The following KIAA0586 variants were observed in gnomAD, a reference collection of about 807,000 sequenced individuals.
KIAA0586 encodes KIAA0586, also known as protein TALPID3.
KIAA0586 carries 144 observed loss-of-function variants against 169.8 expected under a neutral mutation model. That is an observed-to-expected ratio of 0.85 (90% confidence interval 0.74 to 0.97). The LOEUF (loss-of-function observed/expected upper bound fraction) is 0.97, where lower values mean the gene tolerates loss of function less well. Among genes scored for constraint, KIAA0586 ranks in the 50% least tolerant of loss-of-function variants. The pLI is 0.00. For missense variants in KIAA0586, 1,854 were observed against 1,823.0 expected (o/e 1.02, Z -0.31); for synonymous variants, 625 against 612.4 (o/e 1.02, Z -0.30).
intron 30 of KIAA0586, among the ~76,000 whole-genome samples, chr14:58,546,007 C>T (rs1643607436): frequency 6.6e-6 from 1 of 152,062 alleles, no homozygotes; most frequent in Non-Finnish European, 1.5e-5. Flanking sequence ...GCACTCCAGC[C>T]TAGGTGACAG....
downstream of KIAA0586, among the ~76,000 whole-genome samples, chr14:58,553,987 A>G (rs1481300716): frequency 6.6e-6 from 1 of 152,154 alleles, no homozygotes; most frequent in Non-Finnish European, 1.5e-5. Context: ...CACTCAATTG[A>G]TAGTTGATGG....
At chr14:58,509,323 TTTACATA>T (rs2044221340) in intron 28 of KIAA0586, among the ~76,000 whole-genome samples, 1 of 152,184 alleles carries the variant, frequency 6.6e-6, no homozygotes, top group Non-Finnish European at 1.5e-5. Context: ...AGCTCAGTAA[TTTACATA>T]TAGTAGGTGC....
intron 28 of KIAA0586, among the ~76,000 whole-genome samples, chr14:58,509,744 A>G (rs1749006): frequency 1 from 151,853 of 152,312 alleles, 75,700 homozygotes; most frequent in Middle Eastern, 1. Flanking sequence ...AATAACTTCG[A>G]TATAAAAAAA....
At chr14:58,450,325 T>A (rs2039260028) in intron 7 of KIAA0586, among the ~76,000 whole-genome samples, 2 of 152,230 alleles carry the variant, frequency 1.3e-5, no homozygotes, top group Admixed American at 1.3e-4. Flanking sequence ...TATCTGGGCC[T>A]GCCAGTTTCA....
intron 18 of KIAA0586, among the ~76,000 whole-genome samples, chr14:58,472,975 A>G (rs2041341914): frequency 6.9e-6 from 1 of 144,356 alleles, no homozygotes; most frequent in Admixed American, 7.4e-5. Flanking sequence ...GCCACATGAG[A>G]ATTTTGAAGA....
chr14:58,559,319 T>C, the KIAA0586 span, among the ~76,000 whole-genome samples: 1 of 152,236 alleles, frequency 6.6e-6, no homozygotes, highest in African/African-American at 2.4e-5. Flanking sequence ...CTCTGGATAC[T>C]TGTTCTGACC....
At chr14:58,556,528 T>C in the KIAA0586 span, among the ~76,000 whole-genome samples, 6 of 152,324 alleles carry the variant, frequency 3.9e-5, no homozygotes, top group Admixed American at 3.3e-4. Context: ...CAACACTTCC[T>C]AGCAACCCAG....
chr14:58,438,292 A>G (rs1380484275), intron 4 of KIAA0586, among the ~76,000 whole-genome samples: 2 of 152,220 alleles, frequency 1.3e-5, no homozygotes, highest in Non-Finnish European at 2.9e-5. Context: ...ATAAAATTTA[A>G]AAGCCTATAA....
chr14:58,508,489 C>T, intron 27 of KIAA0586, 66 bp from the exon 28 acceptor site: 1 of 1,283,524 alleles, frequency 7.8e-7, no homozygotes. Context: ...TAGTCAACTA[C>T]TTGTTCATTT....
chr14:58,474,103 A>G (rs966335462), intron 18 of KIAA0586, among the ~76,000 whole-genome samples: 2 of 152,000 alleles, frequency 1.3e-5, no homozygotes, highest in African/African-American at 2.4e-5. Flanking sequence ...CCTTTAAACA[A>G]TCAGCTCTCA....
chr14:58,474,506 A>G, intron 18 of KIAA0586, 101 bp from the exon 19 acceptor site: 1 of 713,642 alleles, frequency 1.4e-6, no homozygotes, highest in East Asian at 3.0e-5. Flanking sequence ...TGGTTAATTT[A>G]GAAGGGTTTC....
At chr14:58,488,491 A>G (rs2042622239) in intron 23 of KIAA0586, 130 bp from the exon 24 acceptor site, 1 of 998,092 alleles carries the variant, frequency 1.0e-6, no homozygotes, top group African/African-American at 1.6e-5. Context: ...AATCTTGTTA[A>G]TTATAGTAGT....
At chr14:58,467,615 T>C in intron 15 of KIAA0586, 120 bp from the exon 16 acceptor site, 2 of 689,908 alleles carry the variant, frequency 2.9e-6, no homozygotes, top group South Asian at 2.2e-5. Context: ...GAGGGAGGGG[T>C]GATTGTCAGA....
At chr14:58,560,836 A>G in the KIAA0586 span, among the ~76,000 whole-genome samples, 3 of 152,218 alleles carry the variant, frequency 2.0e-5, no homozygotes, top group South Asian at 2.1e-4. Context: ...TTTTGAGGCA[A>G]TAATCTGGTT....
In KIAA0586 at chr14:58,548,562, C is replaced by T. The variant is rs2047119949; in HGVS notation, c.*630C>T. 3.3e-5 allele frequency: 5 copies of T among 152,132 alleles called. No individual in the cohort carries two copies. In the South Asian group the frequency reaches 1.0e-3, roughly 32 times the overall value. 9.4% of individuals were successfully genotyped at this position (152,132 alleles called of 1,614,324 possible). ...TTTGCTTGTAAATATATTATATAAA[C>T]AAGAAACTGCTAAGTTTGTCTCCAG... On this transcript the variant is annotated 3_prime_UTR_variant, in exon 31 of 31. Transcript: ENST00000652326.
Position 58,453,475 on chromosome 14 carries a change from T to G in KIAA0586, c.1253+2T>G. 6.7e-7 allele frequency: 1 copy of G among 1,496,738 alleles called. No homozygotes were observed. The highest frequency in any genetic ancestry group is 8.9e-7 in the Non-Finnish European group (1 of 1,128,406). 92.7% of individuals were successfully genotyped at this position (1,496,738 alleles called of 1,614,324 possible). ...ATGGACTCCTGAGAAAACAAACAGG[T>G]AAAAACAAGAGATTGGAATGAAAAC... On this transcript the variant is annotated splice_donor_variant, in intron 9 of 30. Transcript: ENST00000652326. LOFTEE classifies it high-confidence loss of function.
At chr14:58,541,970 A>G (rs1356363742) in intron 30 of KIAA0586, among the ~76,000 whole-genome samples, 2 of 152,242 alleles carry the variant, frequency 1.3e-5, no homozygotes, top group African/African-American at 4.8e-5. Flanking sequence ...GCATCAAACT[A>G]TATTTAATAG....
chr14:58,445,256 A>G (rs1293662223), intron 6 of KIAA0586, among the ~76,000 whole-genome samples: 1 of 152,130 alleles, frequency 6.6e-6, no homozygotes, highest in Non-Finnish European at 1.5e-5. Context: ...ATTCTGATGC[A>G]CACCGTTGGA....
intron 22 of KIAA0586, 44 bp downstream of exon 22, chr14:58,487,210 A>G (rs975913430): frequency 4.0e-6 from 6 of 1,490,368 alleles, no homozygotes; most frequent in East Asian, 2.3e-5. Flanking sequence ...TTTAGCAACT[A>G]TTAAATTTCA....
Sources: allele counts gnomAD v4.1 joint callset (sites outside exome capture counted in the v4.1 genomes callset), GRCh38; gene constraint gnomAD v4.1.1; transcripts MANE v1.5; gene names NCBI Gene and HGNC (gene_info 2026-07-23, HGNC 2026-07-21).